The following ADCY8 variants were observed in gnomAD, a reference collection of about 807,000 sequenced individuals.
The protein encoded by ADCY8 is adenylate cyclase 8, also known as adenylate cyclase type 8.
ADCY8 carries 51 observed loss-of-function variants against 119.7 expected under a neutral mutation model. That is an observed-to-expected ratio of 0.43 (90% CI 0.34 to 0.54). The LOEUF is 0.54. Among genes scored for constraint, ADCY8 ranks in the 20% least tolerant of loss-of-function variants. ADCY8 has a pLI of 0.03. For synonymous variants in ADCY8, 665 were observed against 651.0 expected, an observed-to-expected ratio of 1.02 and a Z score of -0.33; for missense variants, 1,383 against 1,598.8, an observed-to-expected ratio of 0.87 and a Z score of 2.30.
At chr8:130,822,194 G>GA (rs1256515936) in intron 12 of ADCY8, among the ~76,000 whole-genome samples, 1 of 152,028 alleles carries the variant, frequency 6.6e-6, no homozygotes, top group African/African-American at 2.4e-5. Flanking sequence ...GAATACACGG[G>GA]AAAAAAAGCA....
At chr8:130,916,706 G>T (rs1820140299) in intron 5 of ADCY8, among the ~76,000 whole-genome samples, 1 of 152,256 alleles carries the variant, frequency 6.6e-6, no homozygotes, top group Non-Finnish European at 1.5e-5. Context: ...ACAAAAGCAT[G>T]AGCGATCTGT....
intron 4 of ADCY8, among the ~76,000 whole-genome samples, chr8:130,937,790 C>T (rs1036266738): frequency 7.9e-5 from 12 of 152,086 alleles, no homozygotes; most frequent in African/African-American, 2.9e-4. Context: ...CAATTGGGCA[C>T]CTATAATAAG....
intron 7 of ADCY8, among the ~76,000 whole-genome samples, chr8:130,899,554 C>T (rs968864170): frequency 2.6e-5 from 4 of 151,764 alleles, no homozygotes; most frequent in Non-Finnish European, 5.9e-5. Flanking sequence ...TGCAGTGAGC[C>T]GAGATCGTGC....
chr8:130,818,798 A>G (rs1228060441), intron 13 of ADCY8, among the ~76,000 whole-genome samples: 1 of 152,196 alleles, frequency 6.6e-6, no homozygotes, highest in Admixed American at 6.5e-5. Flanking sequence ...CGCCCCTATC[A>G]CAGGGAGGCA....
intron 11 of ADCY8, among the ~76,000 whole-genome samples, chr8:130,846,749 C>T (rs1817319542): frequency 7.4e-6 from 1 of 135,638 alleles, no homozygotes; most frequent in African/African-American, 2.9e-5. Context: ...CCCTTCCTAC[C>T]TTCTGTCCTT....
chr8:130,892,088 G>C (rs989135222), intron 7 of ADCY8: 1 of 152,048 alleles, frequency 6.6e-6, no homozygotes, highest in Admixed American at 6.6e-5. Context: ...TATGGAAAGC[G>C]GTTTAAATAA....
chr8:130,832,016 G>T (rs1238296683), intron 12 of ADCY8, among the ~76,000 whole-genome samples: 1 of 152,206 alleles, frequency 6.6e-6, no homozygotes, highest in African/African-American at 2.4e-5. Flanking sequence ...GAGAAAAACA[G>T]GGCTTAGAGA....
chr8:130,813,397 C>A (rs1420936647), intron 14 of ADCY8, among the ~76,000 whole-genome samples: 1 of 152,174 alleles, frequency 6.6e-6, no homozygotes, highest in African/African-American at 2.4e-5. Context: ...ATTCTCCCCT[C>A]CCTCCAGCCC....
At chr8:130,987,136 C>G (rs946675495) in intron 2 of ADCY8, among the ~76,000 whole-genome samples, 7 of 152,168 alleles carry the variant, frequency 4.6e-5, no homozygotes, top group African/African-American at 1.7e-4. Context: ...ATAAATCCTT[C>G]TGACAAACCA....
chr8:130,910,943 GC>G (rs5895067), intron 5 of ADCY8, among the ~76,000 whole-genome samples: 1 of 151,968 alleles, frequency 6.6e-6, no homozygotes, highest in South Asian at 2.1e-4. Flanking sequence ...AACCTTCATT[GC>G]CCCCAAATGC....
At position 130,972,650 on chromosome 8, in the gene ADCY8, T is replaced by A. The variant is rs1327943876; in HGVS notation, c.1110+17743A>T. On this transcript the variant is annotated intron_variant, in intron 2 of 17. Transcript: ENST00000286355. The stretch of plus-strand genomic sequence containing the variant: ...TATTCTCTTAGGGCCAGCTTATATT[T>A]ATAAACCTGTTTTGTTCATTTAAAA... 2.0e-5 allele frequency among the ~76,000 whole-genome samples: 3 copies of A among 152,292 alleles called. No homozygotes were observed. The East Asian group carries it at 5.8e-4, about 29-fold the overall frequency.
chr8:130,956,995 G>A (rs950739690), intron 2 of ADCY8, among the ~76,000 whole-genome samples: 9 of 152,082 alleles, frequency 5.9e-5, no homozygotes, highest in Non-Finnish European at 7.4e-5. Context: ...GAAAACAGAC[G>A]AATACAATAA....
At chr8:130,835,982 A>G (rs916358870) in intron 12 of ADCY8, among the ~76,000 whole-genome samples, 8 of 152,186 alleles carry the variant, frequency 5.3e-5, no homozygotes, top group African/African-American at 1.9e-4. Flanking sequence ...AACAGATCCT[A>G]CAAGTGTTGA....
intron 9 of ADCY8, among the ~76,000 whole-genome samples, chr8:130,853,123 A>G (rs1164365946): frequency 2.0e-5 from 3 of 152,174 alleles, no homozygotes; most frequent in Non-Finnish European, 4.4e-5. Flanking sequence ...TTTTCCTTGG[A>G]GGGCAGGGCC....
At chr8:131,032,478 C>T (rs1220102871) in intron 1 of ADCY8, among the ~76,000 whole-genome samples, 1 of 152,080 alleles carries the variant, frequency 6.6e-6, no homozygotes, top group Non-Finnish European at 1.5e-5. Flanking sequence ...AACAAGCAAA[C>T]ATAGGTTTAT....
At chr8:130,844,671 T>C (rs987320533) in intron 11 of ADCY8, among the ~76,000 whole-genome samples, 3 of 152,170 alleles carry the variant, frequency 2.0e-5, no homozygotes, top group Non-Finnish European at 2.9e-5. Context: ...TGTGCGCACA[T>C]ACACATGCAC....
At chr8:130,837,308 G>T (rs979711301) in intron 11 of ADCY8, among the ~76,000 whole-genome samples, 3 of 152,058 alleles carry the variant, frequency 2.0e-5, no homozygotes, top group Admixed American at 2.0e-4. Flanking sequence ...TCATATATCA[G>T]ATTTCCTTTC....
chr8:130,895,189 T>C (rs1408466861), intron 7 of ADCY8, among the ~76,000 whole-genome samples: 1 of 152,176 alleles, frequency 6.6e-6, no homozygotes, highest in Non-Finnish European at 1.5e-5. Flanking sequence ...CACCTTGACA[T>C]ATTTAAAGTG....
Position 130,814,014 on chromosome 8 carries a change from C to T in ADCY8, c.2913+55G>A, listed in dbSNP as rs1816256851. On this transcript the variant is annotated intron_variant, in intron 14 of 17. Transcript: ENST00000286355. ...CAGAGTTTGGGATCAATGTGAACAA[C>T]TGCACATCACCCACCACCACCCTTT... The T allele has an allele frequency of 1.1e-5, 17 of 1,598,858 alleles. No homozygotes were observed. In the South Asian group the frequency reaches 1.9e-4, roughly 18 times the overall value.
Sources: gnomAD v4.1 joint callset for allele counts (sites outside exome capture counted in the v4.1 genomes callset) on GRCh38, gnomAD v4.1.1 for gene constraint, MANE v1.5 for transcripts, NCBI Gene and HGNC (gene_info 2026-07-23, HGNC 2026-07-21) for gene names.